KYNU: variants seen among roughly 807,000 people sequenced by gnomAD.
KYNU encodes the protein kynureninase.
KYNU carries 54 observed loss-of-function variants against 59.2 expected under a neutral mutation model. The ratio of observed to expected loss-of-function variants is 0.91; its 90% CI spans 0.73 to 1.14. KYNU has a LOEUF of 1.14. Among genes scored for constraint, KYNU ranks in the 50% most tolerant of loss-of-function variants. The probability of loss-of-function intolerance (pLI) is 0.00; values close to 1 mark genes in which losing one functional copy is unlikely to be tolerated. For missense variants in KYNU, 567 were observed against 554.4 expected (o/e 1.02, Z -0.23); for synonymous variants, 177 against 192.0 (o/e 0.92, Z 0.65).
At chr2:142,986,664 G>C (rs1685210955) in intron 10 of KYNU, among the ~76,000 whole-genome samples, 1 of 151,502 alleles carries the variant, frequency 6.6e-6, no homozygotes, top group Non-Finnish European at 1.5e-5. Flanking sequence ...GAATTCATAA[G>C]TGTTCCTTTT....
Position 142,984,978 on chromosome 2 carries a change from A to G in KYNU, c.730-106A>G, listed in dbSNP as rs903612962. ...GAACCATTGCATCAAAGAGCAAACC[A>G]TAATTTATGGTACAGAAGTTTGTCA... On this transcript the variant is annotated intron_variant, in intron 8 of 13. Transcript: ENST00000264170. 1.2e-5 allele frequency: 9 copies of G among 775,842 alleles called. No homozygotes were observed. In the African/African-American group the frequency reaches 1.4e-4, roughly 12 times the overall value. 48.1% of individuals were successfully genotyped at this position (775,842 alleles called of 1,614,324 possible).
intron 10 of KYNU, among the ~76,000 whole-genome samples, chr2:143,021,682 A>T (rs916606634): frequency 2.6e-5 from 4 of 152,160 alleles, no homozygotes; most frequent in African/African-American, 9.7e-5. Flanking sequence ...CACTATTGCA[A>T]GGACAGTACC....
intron 2 of KYNU, among the ~76,000 whole-genome samples, chr2:142,886,893 G>A (rs1416125448): frequency 6.6e-6 from 1 of 152,084 alleles, no homozygotes; most frequent in African/African-American, 2.4e-5. Context: ...TTGTACAGCC[G>A]GGCGCGGTGG....
intron 1 of KYNU, among the ~76,000 whole-genome samples, chr2:142,882,590 T>C (rs1006613359): frequency 6.6e-6 from 1 of 152,214 alleles, no homozygotes; most frequent in Non-Finnish European, 1.5e-5. Flanking sequence ...TTTGGTTTTC[T>C]GTCCTTGCGA....
chr2:142,906,061 CTT>C (rs34804412), intron 2 of KYNU, among the ~76,000 whole-genome samples: 21,275 of 151,570 alleles, frequency 0.14, 2,439 homozygotes, highest in African/African-American at 0.31. Flanking sequence ...GCCTCTTTCT[CTT>C]TCTCTCCTCT....
chr2:143,025,639 T>TA lies in KYNU; in HGVS notation c.903-3985dup, dbSNP rs34285056. Among the ~76,000 whole-genome samples, 114 of 151,996 alleles carry TA rather than the reference T, an allele frequency of 7.5e-4. 1 individual carries two copies. In the Middle Eastern group the frequency reaches 0.017, roughly 23 times the overall value. On this transcript the variant is annotated intron_variant, in intron 10 of 13. Coordinates refer to ENST00000264170, the MANE Select transcript of KYNU (RefSeq NM_003937.3). Reference sequence around the variant, plus strand: ...TTTTTACTTTAGATAATTTTTTTTTTAAACTGGAACTTCAGTAGATATTCC... The same window carrying TA: ...TTTTTACTTTAGATAATTTTTTTTTTAAAACTGGAACTTCAGTAGATATTCC...
At chr2:142,988,437 C>G (rs1685288511) in intron 10 of KYNU, among the ~76,000 whole-genome samples, 1 of 151,872 alleles carries the variant, frequency 6.6e-6, no homozygotes, top group African/African-American at 2.4e-5. Context: ...AGAATATAAT[C>G]TCCATTCCTT....
intron 10 of KYNU, among the ~76,000 whole-genome samples, chr2:143,009,908 T>C (rs925771631): frequency 1.0e-4 from 12 of 117,312 alleles, no homozygotes; most frequent in Non-Finnish European, 1.9e-4. Context: ...ATGGGATGTA[T>C]TTCAAAATAA....
In KYNU at chr2:142,961,652, CT is replaced by C. The variant is rs1165907692; in HGVS notation, c.729+889del. Among the ~76,000 whole-genome samples, 4 of 151,944 alleles carry C rather than the reference CT, an allele frequency of 2.6e-5. No individual in the cohort carries two copies. In the South Asian group the frequency reaches 6.2e-4, roughly 24 times the overall value. ...TTTTTTATACTGCCTGTAATGAGAG[CT>C]TTTTTTCCTACCCACTACTAAATCA... On this transcript the variant is annotated intron_variant, in intron 8 of 13. Transcript: ENST00000264170.
At position 142,969,833 on chromosome 2, in the gene KYNU, T is replaced by A. The variant is rs180786477; in HGVS notation, c.729+9063T>A. On this transcript the variant is annotated intron_variant, in intron 8 of 13. Coordinates refer to ENST00000264170, the MANE Select transcript of KYNU (RefSeq NM_003937.3). ...CCCGAAGGAAGTGTTACACTTAAGTTTTTTGTAGATGATAGATGTTTCATA... is the reference window on the plus strand; with the variant it reads ...CCCGAAGGAAGTGTTACACTTAAGTATTTTGTAGATGATAGATGTTTCATA... Among the ~76,000 whole-genome samples, 30 of 152,332 alleles carry A rather than the reference T, an allele frequency of 2.0e-4. No homozygotes were observed. In the East Asian group the frequency reaches 5.4e-3, roughly 27 times the overall value.
chr2:143,013,805 G>A (rs1216679027), intron 10 of KYNU, among the ~76,000 whole-genome samples: 1 of 152,154 alleles, frequency 6.6e-6, no homozygotes, highest in Non-Finnish European at 1.5e-5. Flanking sequence ...CTCAGGCATA[G>A]GTAAGGGAGA....
At chr2:142,938,525 C>T (rs1464664220) in intron 4 of KYNU, among the ~76,000 whole-genome samples, 1 of 152,184 alleles carries the variant, frequency 6.6e-6, no homozygotes, top group Non-Finnish European at 1.5e-5. Context: ...AGTTTCTCTT[C>T]TTTGGCCAAA....
intron 10 of KYNU, among the ~76,000 whole-genome samples, chr2:143,024,180 T>G (rs905759851): frequency 2.6e-5 from 4 of 151,968 alleles, no homozygotes; most frequent in African/African-American, 9.6e-5. Flanking sequence ...TTCTTAGATT[T>G]GATTATACTT....
chr2:143,043,939 A>G lies in KYNU; in HGVS notation c.*1767A>G, dbSNP rs1329594707. On this transcript the variant is annotated 3_prime_UTR_variant, in exon 14 of 14. Coordinates refer to ENST00000264170, the MANE Select transcript of KYNU (RefSeq NM_003937.3). Reference sequence around the variant, plus strand: ...CCGTGGTGGATTGCTGCACCCATCAACCCGTCATCTACATCAGGTATTTCT... The same window carrying G: ...CCGTGGTGGATTGCTGCACCCATCAGCCCGTCATCTACATCAGGTATTTCT... 1 of 151,548 alleles carries G rather than the reference A, an allele frequency of 6.6e-6. No individual in the cohort carries two copies. The highest frequency in any genetic ancestry group is 1.5e-5 in the Non-Finnish European group (1 of 67,914). The allele number at this position is 151,548 out of a possible 1,614,324, so 9.4% of individuals were successfully genotyped here. A position where few individuals can be genotyped will look rare whatever the true frequency, so the allele number is the denominator to read the frequency against.
At chr2:142,906,596 ACC>A (rs1682306000) in intron 2 of KYNU, among the ~76,000 whole-genome samples, 4 of 152,044 alleles carry the variant, frequency 2.6e-5, no homozygotes, top group Non-Finnish European at 5.9e-5. Flanking sequence ...TGGAGATACA[ACC>A]TACTCTAATA....
intron 2 of KYNU, among the ~76,000 whole-genome samples, chr2:142,897,732 A>C (rs1447885207): frequency 6.6e-6 from 1 of 152,222 alleles, no homozygotes; most frequent in African/African-American, 2.4e-5. Context: ...TAAGTTTCTC[A>C]AATGAACAGT....
At chr2:142,881,864 G>T (rs1047568131) in intron 1 of KYNU, among the ~76,000 whole-genome samples, 12 of 151,326 alleles carry the variant, frequency 7.9e-5, no homozygotes, top group Admixed American at 7.9e-4. Flanking sequence ...TCGGTAGCTA[G>T]GACCACAGGT....
At chr2:142,894,833 A>G (rs1025016037) in intron 2 of KYNU, among the ~76,000 whole-genome samples, 2 of 152,144 alleles carry the variant, frequency 1.3e-5, no homozygotes, top group East Asian at 1.9e-4. Flanking sequence ...TTGTCCAAGT[A>G]TATGGCTCAC....
intron 4 of KYNU, among the ~76,000 whole-genome samples, chr2:142,929,383 A>T (rs941750833): frequency 1.4e-5 from 2 of 147,712 alleles, no homozygotes; most frequent in East Asian, 2.0e-4. Flanking sequence ...AAAAAAAAAA[A>T]GTAAACCAAA....
Sources: gnomAD v4.1 joint callset for allele counts (sites outside exome capture counted in the v4.1 genomes callset) on GRCh38, gnomAD v4.1.1 for gene constraint, MANE v1.5 for transcripts, NCBI Gene and HGNC (gene_info 2026-07-23, HGNC 2026-07-21) for gene names.